CCDC150: variants seen among roughly 807,000 people sequenced by gnomAD.
CCDC150 encodes coiled-coil domain containing 150, also known as coiled-coil domain-containing protein 150.
In CCDC150, 151 loss-of-function variants were observed where a neutral mutation model predicts 156.5. The ratio of observed to expected loss-of-function variants is 0.97; its 90% CI spans 0.85 to 1.10. CCDC150 has a LOEUF of 1.10. CCDC150 is among the 50% of genes least tolerant of loss of function. The probability of loss-of-function intolerance (pLI) is 0.00; values close to 1 mark genes in which losing one functional copy is unlikely to be tolerated. For missense variants in CCDC150, 1,312 were observed against 1,268.1 expected (o/e 1.03, Z -0.53); for synonymous variants, 452 against 429.4 (o/e 1.05, Z -0.65).
intron 17 of CCDC150, chr2:196,712,973 T>C (rs1697237096): frequency 5.6e-6 from 3 of 534,602 alleles, no homozygotes; most frequent in Admixed American, 3.3e-5. Context: ...TAACTCTTAA[T>C]AAAAGCATAT....
At chr2:196,710,981 C>A (rs748004238) in intron 15 of CCDC150, among the ~76,000 whole-genome samples, 3 of 152,050 alleles carry the variant, frequency 2.0e-5, no homozygotes, top group Admixed American at 6.5e-5. Context: ...TATTTGGCCT[C>A]ACTCTAATCT....
intron 2 of CCDC150, among the ~76,000 whole-genome samples, chr2:196,649,021 C>G (rs1039563222): frequency 1.4e-4 from 21 of 152,138 alleles, no homozygotes; most frequent in African/African-American, 4.8e-4. Context: ...TGCTACTATG[C>G]TCTCTTTATT....
chr2:196,722,688 G>A (rs1267758765), intron 21 of CCDC150, among the ~76,000 whole-genome samples: 1 of 152,178 alleles, frequency 6.6e-6, no homozygotes, highest in Non-Finnish European at 1.5e-5. Context: ...ATATTCAGCT[G>A]AAATGTTACT....
At position 196,720,648 on chromosome 2, in the gene CCDC150, G is replaced by A. The variant is rs769197615; in HGVS notation, c.2239G>A (p.Glu747Lys). 9.3e-6 allele frequency: 15 copies of A among 1,613,680 alleles called. No individual in the cohort carries two copies. Among genetic ancestry groups the A allele is most frequent in the African/African-American group, 1.3e-5 (1 of 74,922 alleles). The change falls in exon 20 of 28, where the codon GAG becomes AAG. Residue 747 changes from glutamate (E) to lysine (K), a missense_variant. By Grantham distance (56) the Glu-to-Lys change is moderately conservative. Transcript: ENST00000389175. ...GTGGCAGGCCAGGATGCTTGTCATG[G>A]AGGACCAGCACAACAGTGAGGTTGG... The part of the protein sequence containing the change: ...DQWQARMLVM[E>K]DQHNSEIESL...
At chr2:196,687,327 T>A (rs1045428139) in intron 13 of CCDC150, among the ~76,000 whole-genome samples, 8 of 152,244 alleles carry the variant, frequency 5.3e-5, no homozygotes, top group Non-Finnish European at 1.2e-4. Context: ...TGGTGTGAGA[T>A]GGTATCTCAT....
At chr2:196,651,889 T>TA (rs1303619347) in intron 2 of CCDC150, among the ~76,000 whole-genome samples, 1 of 152,202 alleles carries the variant, frequency 6.6e-6, no homozygotes, top group Non-Finnish European at 1.5e-5. Flanking sequence ...TCAGGACGCT[T>TA]ACAATCATGG....
chr2:196,669,843 TG>T lies in CCDC150; in HGVS notation c.904del (p.Asp302ThrfsTer27). ...QLKSDLTSRD[D>X]LISKLVEENK... is the part of the protein sequence containing the mutation. ...AATTTTTGTTTTTAGCTTCTAGAGA[TG>T]ACCTCATTTCCAAGTTGGTTGAAGA... is the stretch of plus-strand genomic sequence containing the variant. On this transcript the variant is annotated frameshift_variant, in exon 8 of 28. Coordinates refer to ENST00000389175, the MANE Select transcript of CCDC150 (RefSeq NM_001080539.2). LOFTEE classifies it high-confidence loss of function. 6.2e-7 allele frequency: 1 copy of T among 1,610,462 alleles called. No homozygotes were observed. Among genetic ancestry groups the T allele is most frequent in the South Asian group, 1.1e-5 (1 of 90,804 alleles).
chr2:196,686,468 G>A (rs1189875656), intron 13 of CCDC150: 2 of 152,196 alleles, frequency 1.3e-5, no homozygotes, highest in African/African-American at 4.8e-5. Flanking sequence ...TGTTTTGTGG[G>A]GATTTCAACT....
At position 196,712,711 on chromosome 2, in the gene CCDC150, TG is replaced by T. The variant is rs1697215958; in HGVS notation, c.1839del (p.Gln614SerfsTer7). On this transcript the variant is annotated frameshift_variant, in exon 17 of 28. Transcript: ENST00000389175. LOFTEE classifies it high-confidence loss of function. ...NSELSAKRVH[L>X]QQADAHLKEV... ...GAACTCAGTGCCAAGAGGGTACACCTGCAGCAGGCAGATGCTCACCTGAAAG... is the reference window on the plus strand; with the variant it reads ...GAACTCAGTGCCAAGAGGGTACACCTCAGCAGGCAGATGCTCACCTGAAAG... The T allele has an allele frequency of 6.2e-7, 1 of 1,611,258 alleles. No homozygotes were observed.
chr2:196,681,940 G>GCATA (rs1312402972), intron 13 of CCDC150, among the ~76,000 whole-genome samples: 1 of 151,996 alleles, frequency 6.6e-6, no homozygotes, highest in Non-Finnish European at 1.5e-5. Flanking sequence ...GTCCTTTGAT[G>GCATA]CATAAAAGTT....
At chr2:196,720,048 A>G (rs1417456920) in intron 19 of CCDC150, 3 of 344,738 alleles carry the variant, frequency 8.7e-6, no homozygotes, top group African/African-American at 6.7e-5. Context: ...TTATCCATTT[A>G]TTACTATCCT....
intron 13 of CCDC150, among the ~76,000 whole-genome samples, chr2:196,692,076 T>A (rs368313091): frequency 6.6e-6 from 1 of 152,004 alleles, no homozygotes; most frequent in Non-Finnish European, 1.5e-5. Context: ...CTCTTTGTTC[T>A]CTAGTTCCTT....
intron 15 of CCDC150, among the ~76,000 whole-genome samples, chr2:196,703,889 T>A (rs1353129229): frequency 6.6e-6 from 1 of 152,146 alleles, no homozygotes; most frequent in African/African-American, 2.4e-5. Flanking sequence ...ATAATAAGAG[T>A]TTAAGATTTT....
At chr2:196,730,979 G>C in intron 26 of CCDC150, 34 bp downstream of exon 26, 1 of 1,525,172 alleles carries the variant, frequency 6.6e-7, no homozygotes, top group South Asian at 1.2e-5. Flanking sequence ...AGACTTAGAC[G>C]TTTCCTTCAA....
intron 10 of CCDC150, among the ~76,000 whole-genome samples, chr2:196,674,732 C>A (rs1047816782): frequency 4.6e-5 from 7 of 152,120 alleles, no homozygotes; most frequent in African/African-American, 1.7e-4. Context: ...ATCTGAAATT[C>A]TGTTTATTCT....
chr2:196,732,083 T>C lies in CCDC150; in HGVS notation c.3120T>C (p.Asp1040=). Residue 1040 remains aspartate (D), a synonymous_variant, in exon 27 of 28, where the codon GAT becomes GAC. Coordinates refer to ENST00000389175, the MANE Select transcript of CCDC150 (RefSeq NM_001080539.2). ...EAHRWFKHRF[D]GLQLELTKNR... The stretch of plus-strand genomic sequence containing the variant: ...ATCGCTGGTTTAAGCACAGGTTTGA[T>C]GGTCTACAACTTGAGCTGACAAAAA... The C allele has an allele frequency of 1.2e-6, 2 of 1,613,878 alleles. No homozygotes were observed. Among genetic ancestry groups the C allele is most frequent in the African/African-American group, 2.7e-5 (2 of 75,054 alleles).
intron 15 of CCDC150, among the ~76,000 whole-genome samples, chr2:196,704,980 C>CT (rs1348730489): frequency 2.0e-5 from 3 of 152,120 alleles, no homozygotes; most frequent in Non-Finnish European, 2.9e-5. Flanking sequence ...GGTTCCAAGT[C>CT]TTTGCTATTG....
chr2:196,678,889 ACT>A (rs1241783089), intron 13 of CCDC150, among the ~76,000 whole-genome samples: 1 of 152,114 alleles, frequency 6.6e-6, no homozygotes, highest in African/African-American at 2.4e-5. Flanking sequence ...ACAGAGTGAG[ACT>A]CTGTCTCATA....
Position 196,676,244 on chromosome 2 carries a change from G to GA in CCDC150, c.1243dup (p.Thr415AsnfsTer13). On this transcript the variant is annotated frameshift_variant, in exon 11 of 28. Transcript: ENST00000389175. LOFTEE classifies it high-confidence loss of function. Reference sequence around the variant, plus strand: ...ATGAACTACAGACTGTTCAGAATGAGAAAACCCAACTCCAGGCACATCTGT... The same window carrying GA: ...ATGAACTACAGACTGTTCAGAATGAGAAAAACCCAACTCCAGGCACATCTGT... The GA allele has an allele frequency of 6.2e-7, 1 of 1,613,610 alleles. No individual in the cohort carries two copies. The highest frequency in any genetic ancestry group is 8.5e-7 in the Non-Finnish European group (1 of 1,179,682).
Sources: gnomAD v4.1 joint callset for allele counts (sites outside exome capture counted in the v4.1 genomes callset) on GRCh38, gnomAD v4.1.1 for gene constraint, MANE v1.5 for transcripts, NCBI Gene and HGNC (gene_info 2026-07-23, HGNC 2026-07-21) for gene names.